The following TRNAU1AP variants were observed in gnomAD, a reference collection of about 807,000 sequenced individuals.
The protein encoded by TRNAU1AP is tRNA selenocysteine 1 associated protein 1.
Under a neutral mutation model 43.3 loss-of-function variants are expected in TRNAU1AP, and 33 were observed. The ratio of observed to expected loss-of-function variants is 0.76; its 90% CI spans 0.58 to 1.02. The LOEUF is 1.02. Ranked by LOEUF, TRNAU1AP falls within the 50% of genes least tolerant of loss-of-function variation. The pLI is 0.00. For synonymous variants in TRNAU1AP, 143 were observed against 129.1 expected (o/e 1.11, Z -0.73); for missense variants, 290 against 362.7 (o/e 0.80, Z 1.63).
chr1:28,555,001 G>A (rs1443745732), intron 2 of TRNAU1AP, among the ~76,000 whole-genome samples: 1 of 152,084 alleles, frequency 6.6e-6, no homozygotes, highest in African/African-American at 2.4e-5. Context: ...CACTTCGGGA[G>A]GCGAGAAGGG....
chr1:28,559,859 C>T (rs983861635), intron 2 of TRNAU1AP, among the ~76,000 whole-genome samples: 5 of 152,060 alleles, frequency 3.3e-5, no homozygotes, highest in Non-Finnish European at 7.4e-5. Context: ...GGGCCAGGTG[C>T]CTTGGCTCAT....
chr1:28,555,274 A>G (rs1253015230), intron 2 of TRNAU1AP, among the ~76,000 whole-genome samples: 5 of 152,160 alleles, frequency 3.3e-5, no homozygotes, highest in South Asian at 2.1e-4. Flanking sequence ...ACTGTGTTCT[A>G]CTGTTATACA....
intron 2 of TRNAU1AP, among the ~76,000 whole-genome samples, chr1:28,555,989 G>T (rs1217459321): frequency 6.6e-6 from 1 of 152,004 alleles, no homozygotes. Context: ...AAGTAGCTGG[G>T]ACTACAGGCG....
At chr1:28,564,611 C>T in intron 4 of TRNAU1AP, 92 bp from the exon 5 acceptor site, 1 of 1,478,416 alleles carries the variant, frequency 6.8e-7, no homozygotes, top group Non-Finnish European at 9.1e-7. Flanking sequence ...CCTTAAGGGG[C>T]CTGGGAGAGG....
intron 7 of TRNAU1AP, among the ~76,000 whole-genome samples, 189 bp downstream of exon 7, chr1:28,571,527 A>C (rs543571847): frequency 6.6e-6 from 1 of 152,196 alleles, no homozygotes; most frequent in East Asian, 1.9e-4. Flanking sequence ...CACACCTGTA[A>C]TCCTAGCACT....
intron 8 of TRNAU1AP, among the ~76,000 whole-genome samples, chr1:28,576,466 C>T (rs1570261909): frequency 6.8e-6 from 1 of 146,736 alleles, no homozygotes; most frequent in African/African-American, 2.5e-5. Flanking sequence ...CTACAGGTGC[C>T]TGCCACCACG....
intron 2 of TRNAU1AP, among the ~76,000 whole-genome samples, chr1:28,555,782 T>C (rs1665246992): frequency 6.6e-6 from 1 of 152,116 alleles, no homozygotes; most frequent in African/African-American, 2.4e-5. Context: ...CTCTTCTTGC[T>C]CTTCTAAGCA....
intron 2 of TRNAU1AP, among the ~76,000 whole-genome samples, chr1:28,558,340 G>C (rs924657604): frequency 7.0e-6 from 1 of 143,600 alleles, no homozygotes; most frequent in Non-Finnish European, 1.5e-5. Context: ...TCAGCCTCCC[G>C]AGTAGCTGGG....
intron 2 of TRNAU1AP, among the ~76,000 whole-genome samples, chr1:28,557,319 C>T (rs1192210348): frequency 6.6e-6 from 1 of 151,298 alleles, no homozygotes; most frequent in African/African-American, 2.4e-5. Context: ...ACTCGGGAGG[C>T]TGAGGCAGGA....
In TRNAU1AP at chr1:28,577,764, A is replaced by G. The variant is rs528851358; in HGVS notation, c.*128A>G. 1.9e-6 allele frequency: 2 copies of G among 1,038,180 alleles called. No homozygotes were observed. Among genetic ancestry groups the G allele is most frequent in the Admixed American group, 5.2e-5 (2 of 38,234 alleles). The allele number at this position is 1,038,180 out of a possible 1,614,324, so 64.3% of individuals were successfully genotyped here. A position where few individuals can be genotyped will look rare whatever the true frequency, so the allele number is the denominator to read the frequency against. ...TAATGACTGTTTTTGGAGATCATGA[A>G]TGTTTCTACAACACTGCTGCATTCA... On this transcript the variant is annotated 3_prime_UTR_variant, in exon 9 of 9. Coordinates refer to ENST00000373830, the MANE Select transcript of TRNAU1AP (RefSeq NM_017846.5).
Position 28,571,304 on chromosome 1 carries a change from AC to A in TRNAU1AP, c.664del (p.Gln222SerfsTer29), listed in dbSNP as rs1193851759. ...AACACAGGCAGCTACAGCTACAGTT[AC>A]CCCCAGTATGGCTATACCCAGAGCA... is the stretch of plus-strand genomic sequence containing the variant. ...DQNTGSYSYS[Y>X]PQYGYTQSTM... On this transcript the variant is annotated frameshift_variant, in exon 7 of 9. Coordinates refer to ENST00000373830, the MANE Select transcript of TRNAU1AP (RefSeq NM_017846.5). LOFTEE classifies it high-confidence loss of function. The A allele has an allele frequency of 1.4e-5, 23 of 1,613,762 alleles. No individual in the cohort carries two copies. Among genetic ancestry groups the A allele is most frequent in the Non-Finnish European group, 1.9e-5 (22 of 1,179,904 alleles).
At chr1:28,557,630 C>G (rs1384672420) in intron 2 of TRNAU1AP, among the ~76,000 whole-genome samples, 1 of 151,764 alleles carries the variant, frequency 6.6e-6, no homozygotes, top group African/African-American at 2.4e-5. Context: ...TGCTCTGTCA[C>G]CAAGCAGGAG....
chr1:28,575,678 C>G (rs1365468982), intron 8 of TRNAU1AP, among the ~76,000 whole-genome samples: 3 of 151,198 alleles, frequency 2.0e-5, no homozygotes, highest in Non-Finnish European at 4.4e-5. Flanking sequence ...GTCGCCCAGG[C>G]TGGAGTGCAG....
intron 8 of TRNAU1AP, among the ~76,000 whole-genome samples, chr1:28,573,143 C>T (rs1665698234): frequency 1.4e-5 from 2 of 148,040 alleles, no homozygotes; most frequent in Admixed American, 1.3e-4. Context: ...AAGTGATTCT[C>T]CTGCCTCAGC....
intron 5 of TRNAU1AP, chr1:28,565,110 A>G (rs1044402969): frequency 1.7e-5 from 7 of 406,756 alleles, no homozygotes; most frequent in Non-Finnish European, 3.1e-5. Context: ...ATATAATATA[A>G]GTAAGTCACA....
chr1:28,558,479 C>T (rs1010941704), intron 2 of TRNAU1AP, among the ~76,000 whole-genome samples: 11 of 151,782 alleles, frequency 7.2e-5, no homozygotes, highest in East Asian at 3.9e-4. Context: ...CTGCAACTTC[C>T]GCCTCCCGCG....
At chr1:28,558,522 T>G (rs1225968094) in intron 2 of TRNAU1AP, among the ~76,000 whole-genome samples, 1 of 150,826 alleles carries the variant, frequency 6.6e-6, no homozygotes, top group Non-Finnish European at 1.5e-5. Flanking sequence ...GGCTCCCGAG[T>G]AGCTGGGACT....
At chr1:28,559,474 C>G (rs908399415) in intron 2 of TRNAU1AP, among the ~76,000 whole-genome samples, 1 of 151,818 alleles carries the variant, frequency 6.6e-6, no homozygotes, top group African/African-American at 2.4e-5. Flanking sequence ...ACTGAAAATA[C>G]AAAATTAGCT....
intron 6 of TRNAU1AP, among the ~76,000 whole-genome samples, chr1:28,568,070 A>T (rs531948123): frequency 5.9e-5 from 9 of 152,316 alleles, no homozygotes; most frequent in African/African-American, 2.2e-4. Flanking sequence ...AGGCTGAGGC[A>T]GGAGAATCGC....
Sources: gnomAD v4.1 joint callset for allele counts (sites outside exome capture counted in the v4.1 genomes callset) on GRCh38, gnomAD v4.1.1 for gene constraint, MANE v1.5 for transcripts, NCBI Gene and HGNC (gene_info 2026-07-23, HGNC 2026-07-21) for gene names.